FGGY: variants seen among roughly 807,000 people sequenced by gnomAD.
The protein encoded by FGGY is FGGY carbohydrate kinase domain containing.
Under a neutral mutation model 71.3 loss-of-function variants are expected in FGGY, and 72 were observed. The ratio of observed to expected loss-of-function variants is 1.01; its 90% confidence interval spans 0.84 to 1.23. The LOEUF (loss-of-function observed/expected upper bound fraction) is 1.23. FGGY is among the 50% of genes most tolerant of loss of function. The pLI, the probability that FGGY is intolerant of heterozygous loss-of-function variation, is 0.00. For missense variants in FGGY, 668 were observed against 682.3 expected (o/e 0.98, Z 0.23); for synonymous variants, 251 against 250.3 (o/e 1.00, Z -0.02).
intron 6 of FGGY, among the ~76,000 whole-genome samples, chr1:59,501,321 C>T (rs891373282): frequency 6.6e-6 from 1 of 151,986 alleles, no homozygotes; most frequent in South Asian, 2.1e-4. Context: ...AATAAATCCT[C>T]ATTGTAAGAT....
At chr1:59,697,547 AT>A in intron 14 of FGGY, 1 of 573,112 alleles carries the variant, frequency 1.7e-6, no homozygotes, top group Non-Finnish European at 3.1e-6. Context: ...TCTTGGTTGT[AT>A]TCTTAATGCA....
chr1:59,359,912 A>G (rs1156281749), intron 4 of FGGY, among the ~76,000 whole-genome samples: 1 of 152,114 alleles, frequency 6.6e-6, no homozygotes, highest in Non-Finnish European at 1.5e-5. Context: ...AAGTGGCTCT[A>G]TCCTACCTGG....
At chr1:59,537,289 A>C (rs1398911142) in intron 7 of FGGY, among the ~76,000 whole-genome samples, 1 of 152,152 alleles carries the variant, frequency 6.6e-6, no homozygotes, top group African/African-American at 2.4e-5. Flanking sequence ...CCAACTTACA[A>C]GGGATGTGAA....
At chr1:59,410,430 T>C (rs1196391517) in intron 5 of FGGY, among the ~76,000 whole-genome samples, 1 of 152,144 alleles carries the variant, frequency 6.6e-6, no homozygotes, top group Non-Finnish European at 1.5e-5. Flanking sequence ...TACTAGTAAG[T>C]GGAGGAGTGA....
chr1:59,701,930 A>G (rs114198172), intron 14 of FGGY, among the ~76,000 whole-genome samples: 213 of 152,288 alleles, frequency 1.4e-3, no homozygotes, highest in African/African-American at 4.9e-3. Flanking sequence ...AGATTGTATT[A>G]GCGTGTTTTT....
intron 7 of FGGY, among the ~76,000 whole-genome samples, chr1:59,530,281 A>C (rs188237817): frequency 1.1e-3 from 160 of 152,364 alleles, no homozygotes; most frequent in Non-Finnish European, 1.8e-3. Context: ...ACTTAGAATT[A>C]TAGATAAAAT....
intron 5 of FGGY, among the ~76,000 whole-genome samples, chr1:59,394,909 G>A (rs139679155): frequency 1.2e-4 from 19 of 152,028 alleles, no homozygotes; most frequent in Non-Finnish European, 2.4e-4. Context: ...CAATCTCTGG[G>A]CAAACCAGGC....
intron 5 of FGGY, among the ~76,000 whole-genome samples, chr1:59,416,195 G>C (rs750456575): frequency 2.6e-5 from 4 of 152,188 alleles, no homozygotes; most frequent in African/African-American, 9.7e-5. Flanking sequence ...GCATGTATCA[G>C]GAATGCATTT....
chr1:59,429,528 T>A (rs1452428762), intron 5 of FGGY, among the ~76,000 whole-genome samples: 1 of 152,160 alleles, frequency 6.6e-6, no homozygotes, highest in Non-Finnish European at 1.5e-5. Context: ...GAATCTGGAA[T>A]TTGCATTTTC....
chr1:59,673,447 C>T (rs2153978913), intron 13 of FGGY, among the ~76,000 whole-genome samples: 1 of 152,222 alleles, frequency 6.6e-6, no homozygotes, highest in East Asian at 1.9e-4. Flanking sequence ...AGGAGGATAT[C>T]AGAGAGGGAG....
intron 5 of FGGY, among the ~76,000 whole-genome samples, chr1:59,424,626 G>A (rs1358387240): frequency 6.6e-6 from 1 of 152,116 alleles, no homozygotes; most frequent in East Asian, 1.9e-4. Flanking sequence ...GTTTGGTGCT[G>A]GTAATACTTT....
intron 9 of FGGY, among the ~76,000 whole-genome samples, chr1:59,618,968 C>T (rs887897529): frequency 3.3e-5 from 5 of 151,982 alleles, no homozygotes; most frequent in Non-Finnish European, 5.9e-5. Context: ...TCCCTTCTCC[C>T]GCCCTGGCTT....
intron 15 of FGGY, among the ~76,000 whole-genome samples, chr1:59,762,125 G>C (rs2098346579): frequency 6.6e-6 from 1 of 150,690 alleles, no homozygotes; most frequent in Admixed American, 6.6e-5. Context: ...GAGCGAAGTG[G>C]TGCAACTCAA....
chr1:59,356,711 T>A (rs1025677075), intron 4 of FGGY, among the ~76,000 whole-genome samples: 1 of 152,238 alleles, frequency 6.6e-6, no homozygotes, highest in African/African-American at 2.4e-5. Flanking sequence ...AAAGGTTCAC[T>A]GTATGCCCAA....
In FGGY at chr1:59,652,861, G is replaced by GT. The variant is rs1039102874; in HGVS notation, c.1222-7352dup. 7.2e-5 allele frequency among the ~76,000 whole-genome samples: 11 copies of GT among 152,304 alleles called. No individual in the cohort carries two copies. The East Asian group carries it at 7.7e-4, about 11-fold the overall frequency. On this transcript the variant is annotated intron_variant, in intron 11 of 15. Coordinates refer to ENST00000303721, the MANE Select transcript of FGGY (RefSeq NM_018291.5). ...TTAGATTTTCCAGTTTTTCTGTTCTGTTTTTTCCCCATGTTTGTGGTTTTA... is the reference window on the plus strand; with the variant it reads ...TTAGATTTTCCAGTTTTTCTGTTCTGTTTTTTTCCCCATGTTTGTGGTTTTA...
intron 6 of FGGY, among the ~76,000 whole-genome samples, chr1:59,503,798 G>A (rs1336849736): frequency 6.6e-6 from 1 of 151,812 alleles, no homozygotes; most frequent in African/African-American, 2.4e-5. Context: ...TTTTGCCCAT[G>A]ATTCCTGGTT....
intron 2 of FGGY, among the ~76,000 whole-genome samples, chr1:59,322,838 A>G (rs1374741317): frequency 1.3e-5 from 2 of 151,998 alleles, no homozygotes; most frequent in East Asian, 1.9e-4. Flanking sequence ...CTTTTTTTCC[A>G]TGGGGAAAAA....
At chr1:59,425,960 TA>T (rs1207423887) in intron 5 of FGGY, among the ~76,000 whole-genome samples, 1 of 152,212 alleles carries the variant, frequency 6.6e-6, no homozygotes, top group Admixed American at 6.5e-5. Flanking sequence ...TATTTTTTTT[TA>T]ATTTTTGAAA....
intron 5 of FGGY, among the ~76,000 whole-genome samples, chr1:59,384,060 T>C (rs948791618): frequency 2.0e-5 from 3 of 152,208 alleles, no homozygotes; most frequent in Non-Finnish European, 4.4e-5. Context: ...CAGAACATGC[T>C]TGGGGGCTTC....
Sources: gnomAD v4.1 joint callset for allele counts (sites outside exome capture counted in the v4.1 genomes callset) on GRCh38, gnomAD v4.1.1 for gene constraint, MANE v1.5 for transcripts, NCBI Gene and HGNC (gene_info 2026-07-23, HGNC 2026-07-21) for gene names.